The following ZSCAN5A variants were observed in gnomAD, a reference collection of about 807,000 sequenced individuals.
ZSCAN5A encodes the protein zinc finger and SCAN domain-containing protein 5A.
In ZSCAN5A, 12 loss-of-function variants were observed where a neutral mutation model predicts 23.7. The observed-to-expected ratio is 0.51, with a 90% CI of 0.32 to 0.82. ZSCAN5A has a LOEUF of 0.82. ZSCAN5A is among the 40% of genes least tolerant of loss of function. ZSCAN5A has a pLI of 0.03. For synonymous variants in ZSCAN5A, 257 were observed against 239.9 expected, an observed-to-expected ratio of 1.07 and a Z score of -0.66; for missense variants, 597 against 617.9, an observed-to-expected ratio of 0.97 and a Z score of 0.36.
chr19:56,252,988 C>T (rs1303688437), intron 2 of ZSCAN5A, among the ~76,000 whole-genome samples: 2 of 152,196 alleles, frequency 1.3e-5, no homozygotes, highest in African/African-American at 4.8e-5. Flanking sequence ...GATATCCCTC[C>T]CACCCCCTCT....
intron 2 of ZSCAN5A, among the ~76,000 whole-genome samples, chr19:56,337,517 C>T (rs1232131526): frequency 6.6e-6 from 1 of 152,238 alleles, no homozygotes; most frequent in Admixed American, 6.5e-5. Flanking sequence ...AATTCCCTGA[C>T]CCCTTGTGCT....
At chr19:56,223,080 C>A (rs1024688963) in intron 4 of ZSCAN5A, among the ~76,000 whole-genome samples, 2 of 152,172 alleles carry the variant, frequency 1.3e-5, no homozygotes, top group Non-Finnish European at 2.9e-5. Context: ...TCAGCTGTGG[C>A]ACCACTGGCA....
intron 2 of ZSCAN5A, chr19:56,301,907 G>T: frequency 1.6e-6 from 2 of 1,231,708 alleles, no homozygotes; most frequent in Non-Finnish European, 2.0e-6. Flanking sequence ...AGCAGTGACA[G>T]GAAGCTCTAA....
chr19:56,300,413 A>G (rs147664831), intron 2 of ZSCAN5A, among the ~76,000 whole-genome samples: 4 of 152,322 alleles, frequency 2.6e-5, no homozygotes, highest in African/African-American at 9.6e-5. Flanking sequence ...GCTTAATCCA[A>G]GGGAAAAATA....
chr19:56,362,388 G>A (rs868393409), intron 2 of ZSCAN5A, among the ~76,000 whole-genome samples: 3 of 151,156 alleles, frequency 2.0e-5, no homozygotes, highest in South Asian at 4.2e-4. Flanking sequence ...CCAACGTGGC[G>A]AGACCCCCAC....
intron 2 of ZSCAN5A, among the ~76,000 whole-genome samples, chr19:56,335,820 A>G (rs1334692338): frequency 6.6e-6 from 1 of 152,090 alleles, no homozygotes; most frequent in African/African-American, 2.4e-5. Flanking sequence ...TCTGTAAAGT[A>G]TTTTATTTCT....
intron 2 of ZSCAN5A, among the ~76,000 whole-genome samples, chr19:56,231,979 C>CTTTTTTTCT (rs58374777): frequency 2.2e-5 from 2 of 92,978 alleles, no homozygotes; most frequent in African/African-American, 4.2e-5. Flanking sequence ...TTTCTTTTTT[C>CTTTTTTTCT]TTTCTTTTTT....
At chr19:56,279,888 A>G (rs1245949797) in intron 2 of ZSCAN5A, among the ~76,000 whole-genome samples, 1 of 152,166 alleles carries the variant, frequency 6.6e-6, no homozygotes, top group Non-Finnish European at 1.5e-5. Context: ...TCAATTAACA[A>G]AACAGTATTT....
At chr19:56,343,913 T>TAATAA (rs2041613086) in intron 2 of ZSCAN5A, among the ~76,000 whole-genome samples, 1 of 152,180 alleles carries the variant, frequency 6.6e-6, no homozygotes, top group Non-Finnish European at 1.5e-5. Context: ...AATACCCAAA[T>TAATAA]AATAAAATAT....
chr19:56,310,386 C>G (rs1720721125), intron 2 of ZSCAN5A: 1 of 152,256 alleles, frequency 6.6e-6, no homozygotes, highest in African/African-American at 2.4e-5. Flanking sequence ...CCCCTAAAAT[C>G]TCTCCTCCAG....
At chr19:56,353,587 C>A (rs2041681857) in intron 2 of ZSCAN5A, among the ~76,000 whole-genome samples, 1 of 151,878 alleles carries the variant, frequency 6.6e-6, no homozygotes, top group Non-Finnish European at 1.5e-5. Flanking sequence ...ACCATCCTGG[C>A]TAACGGCGGT....
chr19:56,332,210 G>A (rs1327487000), intron 2 of ZSCAN5A, among the ~76,000 whole-genome samples: 1 of 152,110 alleles, frequency 6.6e-6, no homozygotes, highest in Non-Finnish European at 1.5e-5. Flanking sequence ...TTAAGTCCAG[G>A]TTTCTTTGTT....
intron 1 of ZSCAN5A, among the ~76,000 whole-genome samples, chr19:56,365,363 G>C (rs1220593145): frequency 6.6e-6 from 1 of 152,164 alleles, no homozygotes; most frequent in East Asian, 1.9e-4. Flanking sequence ...TACCTTTGTA[G>C]CGAGGTTTTC....
At chr19:56,226,412 G>A (rs1005861047) in intron 2 of ZSCAN5A, among the ~76,000 whole-genome samples, 1 of 152,200 alleles carries the variant, frequency 6.6e-6, no homozygotes, top group Admixed American at 6.5e-5. Flanking sequence ...GGCTTAAGGC[G>A]CCTGTGTGGA....
chr19:56,326,419 T>A (rs749890643), intron 2 of ZSCAN5A, among the ~76,000 whole-genome samples: 43 of 152,174 alleles, frequency 2.8e-4, no homozygotes, highest in Middle Eastern at 3.4e-3. Flanking sequence ...ACATTAGGTC[T>A]CTAACAGTAT....
chr19:56,318,792 T>A (rs1378120256), upstream of ZSCAN5A, among the ~76,000 whole-genome samples: 1 of 152,096 alleles, frequency 6.6e-6, no homozygotes, highest in African/African-American at 2.4e-5. Flanking sequence ...AGAAGAGGGA[T>A]CACGCATTTA....
chr19:56,343,363 C>A, intron 2 of ZSCAN5A: 1 of 568,110 alleles, frequency 1.8e-6, no homozygotes, highest in Non-Finnish European at 3.5e-6. Flanking sequence ...TAGCAGTTGT[C>A]TTAGAGCATT....
intron 2 of ZSCAN5A, among the ~76,000 whole-genome samples, chr19:56,262,683 C>G (rs140572764): frequency 0.013 from 2,033 of 152,254 alleles, 48 homozygotes; most frequent in African/African-American, 0.045. Flanking sequence ...CCACCCACCA[C>G]AGCCTCCCAA....
chr19:56,281,406 GATTA>G (rs1387261590), intron 2 of ZSCAN5A, among the ~76,000 whole-genome samples: 2 of 152,110 alleles, frequency 1.3e-5, no homozygotes, highest in African/African-American at 2.4e-5. Context: ...ATATCTGTAA[GATTA>G]ATTTCTGAAA....
Sources: allele counts gnomAD v4.1 joint callset (sites outside exome capture counted in the v4.1 genomes callset), GRCh38; gene constraint gnomAD v4.1.1; transcripts MANE v1.5; gene names NCBI Gene and HGNC (gene_info 2026-07-23, HGNC 2026-07-21).